The following TRPM3 variants were observed in gnomAD, a reference collection of about 807,000 sequenced individuals.
TRPM3 encodes transient receptor potential cation channel subfamily M member 3.
Under a neutral mutation model 181.2 loss-of-function variants are expected in TRPM3, and 77 were observed. The ratio of observed to expected loss-of-function variants is 0.42; its 90% CI spans 0.35 to 0.51. The LOEUF (loss-of-function observed/expected upper bound fraction) is 0.51. TRPM3 is among the 20% of genes least tolerant of loss of function. The pLI is 0.01. For synonymous variants in TRPM3, 745 were observed against 796.4 expected (o/e 0.94, Z 1.09); for missense variants, 1,759 against 2,196.7 (o/e 0.80, Z 3.98).
At chr9:70,993,393 C>A (rs1222929308) in intron 1 of TRPM3, among the ~76,000 whole-genome samples, 1 of 151,998 alleles carries the variant, frequency 6.6e-6, no homozygotes, top group Non-Finnish European at 1.5e-5. Flanking sequence ...ACAATATTTT[C>A]TAATGGGCTA....
At chr9:71,060,686 A>G (rs2061229199) in intron 1 of TRPM3, among the ~76,000 whole-genome samples, 1 of 152,084 alleles carries the variant, frequency 6.6e-6, no homozygotes, top group South Asian at 2.1e-4. Context: ...ACTCCTTTCT[A>G]TCCAATGTGA....
rs191244173 is a variant in TRPM3, at chr9:70,678,130, C to T, written c.1345+3376G>A. On this transcript the variant is annotated intron_variant, in intron 9 of 25. Transcript: ENST00000677713. ...TGCCCAGTCTCTGGCCTGAGACCAC[C>T]GACCTTGTGGAGTGGTCCCATCATG... Among the ~76,000 whole-genome samples, 397 of 152,200 alleles carry T rather than the reference C, an allele frequency of 2.6e-3. 3 individuals are homozygous for T. The highest frequency in any genetic ancestry group is 0.01 in the Middle Eastern group (3 of 294).
chr9:70,975,575 C>A (rs1379850072), intron 1 of TRPM3, among the ~76,000 whole-genome samples: 1 of 152,200 alleles, frequency 6.6e-6, no homozygotes, highest in Non-Finnish European at 1.5e-5. Flanking sequence ...AAAATCCATG[C>A]AAGCCCTTAA....
chr9:70,620,043 C>G, intron 16 of TRPM3, 33 bp downstream of exon 16: 5 of 1,578,366 alleles, frequency 3.2e-6, no homozygotes, highest in African/African-American at 2.7e-5. Flanking sequence ...CCTCCTCTCC[C>G]CCTGACCAGC....
At chr9:71,422,419 A>G (rs1339323615) in intron 1 of TRPM3, among the ~76,000 whole-genome samples, 1 of 152,068 alleles carries the variant, frequency 6.6e-6, no homozygotes, top group East Asian at 1.9e-4. Context: ...ACCTTTCCAC[A>G]TTTGAGACCC....
chr9:71,076,962 A>G (rs749279876), intron 1 of TRPM3, among the ~76,000 whole-genome samples: 8 of 152,148 alleles, frequency 5.3e-5, no homozygotes, highest in African/African-American at 9.7e-5. Flanking sequence ...AGGAGAATCA[A>G]TTTCCCTGAG....
chr9:70,587,803 C>CA (rs2057391285), intron 22 of TRPM3, among the ~76,000 whole-genome samples: 1 of 152,160 alleles, frequency 6.6e-6, no homozygotes, highest in Non-Finnish European at 1.5e-5. Flanking sequence ...TTCTATATAG[C>CA]AAACACGTGA....
chr9:71,066,803 T>C (rs1344014996), intron 1 of TRPM3, among the ~76,000 whole-genome samples: 1 of 152,210 alleles, frequency 6.6e-6, no homozygotes, highest in East Asian at 1.9e-4. Context: ...TCCACAGGTT[T>C]TCCCCCTGTC....
At chr9:70,691,745 T>C (rs2068641367) in intron 8 of TRPM3, among the ~76,000 whole-genome samples, 1 of 152,214 alleles carries the variant, frequency 6.6e-6, no homozygotes, top group Non-Finnish European at 1.5e-5. Flanking sequence ...TGCATACTTA[T>C]CATTAAAAAT....
chr9:70,780,088 T>C (rs2130778419), intron 7 of TRPM3, among the ~76,000 whole-genome samples: 1 of 152,290 alleles, frequency 6.6e-6, no homozygotes, highest in Non-Finnish European at 1.5e-5. Flanking sequence ...CAATTACAAA[T>C]TACTTCCAAA....
intron 1 of TRPM3, among the ~76,000 whole-genome samples, chr9:71,224,196 T>G (rs1486456633): frequency 6.6e-6 from 1 of 152,198 alleles, no homozygotes; most frequent in African/African-American, 2.4e-5. Context: ...CAGCACATAG[T>G]GAGAAATTCC....
rs1565479690 is a variant in TRPM3, at chr9:71,341,195, A to G, written c.183+105458T>C. Among the ~76,000 whole-genome samples, 4 of 152,306 alleles carry G rather than the reference A, an allele frequency of 2.6e-5. No individual in the cohort carries two copies. In the South Asian group the frequency reaches 8.3e-4, roughly 32 times the overall value. ...AATTACCAGTGGGACACCACAGTAA[A>G]ATCTGCTACAGGCAATATCCACTGA... is the stretch of plus-strand genomic sequence containing the variant. On this transcript the variant is annotated intron_variant, in intron 1 of 24. Coordinates refer to the TRPM3 transcript ENST00000357533.
intron 22 of TRPM3, among the ~76,000 whole-genome samples, chr9:70,568,832 G>A (rs2051362398): frequency 6.6e-6 from 1 of 152,200 alleles, no homozygotes; most frequent in African/African-American, 2.4e-5. Context: ...CCATCCTTTT[G>A]TCTGGGTCAG....
chr9:71,213,891 A>T (rs1347661321), intron 1 of TRPM3, among the ~76,000 whole-genome samples: 2 of 152,212 alleles, frequency 1.3e-5, no homozygotes, highest in East Asian at 3.8e-4. Context: ...ACAAACATAT[A>T]ATAGGATCTG....
At chr9:70,759,092 G>A (rs2135245953) in intron 8 of TRPM3, among the ~76,000 whole-genome samples, 1 of 152,062 alleles carries the variant, frequency 6.6e-6, no homozygotes, top group Non-Finnish European at 1.5e-5. Flanking sequence ...TCTGACAAAG[G>A]GCTAATATCC....
At chr9:70,594,055 A>G (rs1475959820) in intron 21 of TRPM3, among the ~76,000 whole-genome samples, 1 of 149,634 alleles carries the variant, frequency 6.7e-6, no homozygotes, top group Non-Finnish European at 1.5e-5. Context: ...AAATAGCTAC[A>G]TGGAAAAAAA....
At position 71,349,386 on chromosome 9, in the gene TRPM3, A is replaced by C. The variant is rs114392721; in HGVS notation, c.183+97267T>G. On this transcript the variant is annotated intron_variant, in intron 1 of 24. Transcript: ENST00000357533. The stretch of plus-strand genomic sequence containing the variant: ...ACTCCCACCTTAAATCACAATGGAA[A>C]TGTACATTTTTAGAGGCTTCATCAG... Among the ~76,000 whole-genome samples the C allele has an allele frequency of 4.3e-4, 66 of 152,320 alleles. 1 individual carries two copies. Among genetic ancestry groups the C allele is most frequent in the African/African-American group, 1.6e-3 (65 of 41,564 alleles).
At chr9:71,168,504 A>G (rs1315555733) in intron 1 of TRPM3, among the ~76,000 whole-genome samples, 1 of 60,812 alleles carries the variant, frequency 1.6e-5, no homozygotes, top group African/African-American at 6.4e-5. Context: ...TAGCCCTGAC[A>G]TTTTTCTTTT....
At chr9:70,575,507 T>C (rs961109910) in intron 22 of TRPM3, among the ~76,000 whole-genome samples, 1 of 152,218 alleles carries the variant, frequency 6.6e-6, no homozygotes, top group Non-Finnish European at 1.5e-5. Context: ...CTATTATTTA[T>C]TAACTTTTTT....
Sources: gnomAD v4.1 joint callset for allele counts (sites outside exome capture counted in the v4.1 genomes callset) on GRCh38, gnomAD v4.1.1 for gene constraint, MANE v1.5 for transcripts, NCBI Gene and HGNC (gene_info 2026-07-23, HGNC 2026-07-21) for gene names.